The following ADAP1 variants were observed in gnomAD, a reference collection of about 807,000 sequenced individuals.
ADAP1 encodes ArfGAP with dual PH domains 1.
A neutral mutation model predicts 54.9 loss-of-function variants in ADAP1; 31 were observed. That is an observed-to-expected ratio of 0.56 (90% CI 0.42 to 0.76). ADAP1 has a LOEUF of 0.76. Ranked by LOEUF, ADAP1 falls within the 30% of genes least tolerant of loss-of-function variation. ADAP1 has a pLI of 0.00. For synonymous variants in ADAP1, 313 were observed against 202.6 expected (o/e 1.55, Z -4.63); for missense variants, 535 against 512.4 (o/e 1.04, Z -0.42).
chr7:947,103 G>A (rs1008807154), intron 1 of ADAP1, among the ~76,000 whole-genome samples: 4 of 151,670 alleles, frequency 2.6e-5, no homozygotes, highest in African/African-American at 7.3e-5. Context: ...GCAGTGGTGC[G>A]ATCATGGTTC....
chr7:947,419 G>A (rs1204676187), intron 1 of ADAP1, among the ~76,000 whole-genome samples: 1 of 151,818 alleles, frequency 6.6e-6, no homozygotes, highest in African/African-American at 2.4e-5. Flanking sequence ...TCTCTAGCTC[G>A]GGCCTCTTTC....
At chr7:904,040 G>C in intron 6 of ADAP1, 86 bp downstream of exon 6, 1 of 1,574,692 alleles carries the variant, frequency 6.4e-7, no homozygotes, top group South Asian at 1.1e-5. Flanking sequence ...CTCCCGTACC[G>C]TCCAAGCACC....
Position 905,236 on chromosome 7 carries a change from C to T in ADAP1, c.389-64G>A, listed in dbSNP as rs138989383. Reference sequence around the variant, plus strand: ...GGGGGGGAGGAAACAAAAGGAGTGACGATGGACAGGACAGAGGGGACATGG... The same window carrying T: ...GGGGGGGAGGAAACAAAAGGAGTGATGATGGACAGGACAGAGGGGACATGG... On this transcript the variant is annotated intron_variant, in intron 4 of 10. Coordinates refer to ENST00000265846, the MANE Select transcript of ADAP1 (RefSeq NM_006869.4). 7.0e-4 allele frequency: 871 copies of T among 1,240,160 alleles called. 13 individuals are homozygous for T. Among genetic ancestry groups the T allele is most frequent in the African/African-American group, 6.0e-3 (361 of 59,716 alleles). The allele number at this position is 1,240,160 out of a possible 1,614,324, so 76.8% of individuals were successfully genotyped here.
rs919375361 is a variant in ADAP1 at position 926,073 on chromosome 7, C to T, written c.305+480G>A. On this transcript the variant is annotated intron_variant, in intron 3 of 10. Coordinates refer to ENST00000265846, the MANE Select transcript of ADAP1 (RefSeq NM_006869.4). The surrounding 1 kb of genome is among the most constrained non-coding windows in gnomAD (Gnocchi z 4.6). Reference sequence around the variant, plus strand: ...TTGGTGAAGGCGGCTGATGTGATACCGAGCAGGCCTCATTCCCTCTCTCCA... The same window carrying T: ...TTGGTGAAGGCGGCTGATGTGATACTGAGCAGGCCTCATTCCCTCTCTCCA... 4.6e-5 allele frequency among the ~76,000 whole-genome samples: 7 copies of T among 152,070 alleles called. No homozygotes were observed. In the South Asian group the frequency reaches 1.0e-3, roughly 22 times the overall value.
intron 2 of ADAP1, among the ~76,000 whole-genome samples, chr7:928,367 A>C (rs565712375): frequency 6.6e-6 from 1 of 152,344 alleles, no homozygotes; most frequent in South Asian, 2.1e-4. Context: ...CTATCTCTGC[A>C]AAAAAAGGAA....
Position 920,882 on chromosome 7 carries a change from G to A in ADAP1, c.306-832C>T. 6.5e-7 allele frequency: 1 copy of A among 1,549,878 alleles called. No homozygotes were observed. The highest frequency in any genetic ancestry group is 8.7e-7 in the Non-Finnish European group (1 of 1,146,758). Reference sequence around the variant, plus strand: ...CCGCCCCAGCCTTTTCCACTCCCAGGGAATTACGCGGCAAAGAACAAATAG... The same window carrying A: ...CCGCCCCAGCCTTTTCCACTCCCAGAGAATTACGCGGCAAAGAACAAATAG... On this transcript the variant is annotated intron_variant, in intron 3 of 10. Transcript: ENST00000265846. This position sits in a 1 kb window ranked among gnomAD's most constrained non-coding sequence, Gnocchi z 4.5.
At chr7:898,976 T>C in intron 10 of ADAP1, 27 bp from the exon 11 acceptor site, 1 of 1,611,538 alleles carries the variant, frequency 6.2e-7, no homozygotes, top group South Asian at 1.1e-5. Context: ...TCCAGCGTTG[T>C]CACAGCGGCG....
At chr7:939,738 A>G (rs10951193) in intron 1 of ADAP1, among the ~76,000 whole-genome samples, 141,966 of 151,686 alleles carry the variant, frequency 0.94, 66,516 homozygotes, top group East Asian at 1. Context: ...GGCTGAGGCA[A>G]GAGAATCACT....
chr7:907,606 C>A (rs906506344), intron 4 of ADAP1, among the ~76,000 whole-genome samples: 1 of 152,186 alleles, frequency 6.6e-6, no homozygotes, highest in South Asian at 2.1e-4. Flanking sequence ...GCTCCCTGTC[C>A]GTGGTTCCTA....
chr7:930,840 G>A (rs562813964), intron 2 of ADAP1, among the ~76,000 whole-genome samples: 4 of 151,504 alleles, frequency 2.6e-5, no homozygotes, highest in Admixed American at 6.6e-5. Flanking sequence ...AGCCAGGCAC[G>A]GTGGTGTATG....
At chr7:918,896 G>A (rs1278492871) in intron 4 of ADAP1, among the ~76,000 whole-genome samples, 1 of 146,280 alleles carries the variant, frequency 6.8e-6, no homozygotes, top group Non-Finnish European at 1.5e-5. Context: ...GTTTAAATGA[G>A]ATGCCAGGAG....
At chr7:919,359 C>T (rs540691436) in intron 4 of ADAP1, among the ~76,000 whole-genome samples, 1 of 152,134 alleles carries the variant, frequency 6.6e-6, no homozygotes, top group Non-Finnish European at 1.5e-5. Context: ...AGCCACGGCC[C>T]CACGAGGTCC....
chr7:912,735 C>T (rs1314041009), intron 4 of ADAP1, among the ~76,000 whole-genome samples: 1 of 152,222 alleles, frequency 6.6e-6, no homozygotes, highest in Non-Finnish European at 1.5e-5. Flanking sequence ...CGGAATCTCG[C>T]TGTTGCCCAG....
At chr7:899,630 C>T (rs924174267) in intron 8 of ADAP1, 140 bp from the exon 9 acceptor site, 53 of 969,872 alleles carry the variant, frequency 5.5e-5, no homozygotes, top group Middle Eastern at 2.9e-4. Context: ...CCGCTGGCCA[C>T]GCCCCACGAG....
In ADAP1 at chr7:905,285, C is replaced by CAGGGGGAGACGGACA. The variant is rs112479370; in HGVS notation, c.389-114_389-113insTGTCCGTCTCCCCCT. 1.3e-5 allele frequency: 3 copies of CAGGGGGAGACGGACA among 235,636 alleles called. 1 individual carries two copies. Among genetic ancestry groups the CAGGGGGAGACGGACA allele is most frequent in the South Asian group, 1.1e-4 (3 of 26,850 alleles). The allele number at this position is 235,636 out of a possible 1,614,324, so 14.6% of individuals were successfully genotyped here. On this transcript the variant is annotated intron_variant, in intron 4 of 10. Transcript: ENST00000265846. ...GGGGAGAAGACACGGGGGACACGGA[C>CAGGGGGAGACGGACA]GGGGGACACGGACAGGGGGAGACGG...
chr7:905,582 GA>G (rs373779254), intron 4 of ADAP1: 5 of 19,286 alleles, frequency 2.6e-4, no homozygotes, highest in Non-Finnish European at 4.1e-4. Context: ...GGAGAAAGGA[GA>G]AAGGAGAAAG....
In ADAP1 at chr7:908,357, C is replaced by T. The variant is rs541175004; in HGVS notation, c.389-3185G>A. ...GAGATGCAAGCCATAAAACGCCTGGCGTTGGGGAGGGGACAGCTGGTGCCC... is the reference window on the plus strand; with the variant it reads ...GAGATGCAAGCCATAAAACGCCTGGTGTTGGGGAGGGGACAGCTGGTGCCC... On this transcript the variant is annotated intron_variant, in intron 4 of 10. Transcript: ENST00000265846. Among the ~76,000 whole-genome samples, 43 of 152,266 alleles carry T rather than the reference C, an allele frequency of 2.8e-4. 1 individual carries two copies. The highest frequency in any genetic ancestry group is 1.0e-3 in the African/African-American group (42 of 41,552).
Position 920,870 on chromosome 7 carries a change from T to A in ADAP1, c.306-820A>T, listed in dbSNP as rs1002879975. On this transcript the variant is annotated intron_variant, in intron 3 of 10. Coordinates refer to ENST00000265846, the MANE Select transcript of ADAP1 (RefSeq NM_006869.4). This position sits in a 1 kb window ranked among gnomAD's most constrained non-coding sequence, Gnocchi z 4.5. ...GTGCACAGGCAGCCGCCCCAGCCTT[T>A]TCCACTCCCAGGGAATTACGCGGCA... 32 of 1,550,022 alleles carry A rather than the reference T, an allele frequency of 2.1e-5. No individual in the cohort carries two copies. The highest frequency in any genetic ancestry group is 2.8e-5 in the Non-Finnish European group (32 of 1,146,862).
chr7:905,044 C>G lies in ADAP1; in HGVS notation c.501+16G>C, dbSNP rs763713635. The G allele has an allele frequency of 1.2e-6, 2 of 1,606,424 alleles. No homozygotes were observed. The highest frequency in any genetic ancestry group is 2.2e-5 in the East Asian group (1 of 44,864). ...CCCTGGGACAGGCCCCCACCCCACCCCCGTCTGTGACTCACATCATTTCTG... is the reference window on the plus strand; with the variant it reads ...CCCTGGGACAGGCCCCCACCCCACCGCCGTCTGTGACTCACATCATTTCTG... On this transcript the variant is annotated intron_variant, in intron 5 of 10. Coordinates refer to ENST00000265846, the MANE Select transcript of ADAP1 (RefSeq NM_006869.4).
Sources: allele counts gnomAD v4.1 joint callset (sites outside exome capture counted in the v4.1 genomes callset), GRCh38; gene constraint gnomAD v4.1.1; non-coding constraint Gnocchi (gnomAD v3.1); transcripts MANE v1.5; gene names NCBI Gene and HGNC (gene_info 2026-07-23, HGNC 2026-07-21).